The following MCM8 variants were observed in gnomAD, a reference collection of about 807,000 sequenced individuals.
The protein encoded by MCM8 is DNA helicase MCM8.
In MCM8, 85 loss-of-function variants were observed where a neutral mutation model predicts 98.9. The ratio of observed to expected loss-of-function variants is 0.86; its 90% confidence interval spans 0.72 to 1.03. The LOEUF is 1.03. Among genes scored for constraint, MCM8 ranks in the 50% least tolerant of loss-of-function variants. MCM8 has a pLI of 0.00. For missense variants in MCM8, 951 were observed against 997.8 expected (o/e 0.95, Z 0.63); for synonymous variants, 352 against 338.6 (o/e 1.04, Z -0.44).
In MCM8 at chr20:5,952,001, T is replaced by C; in HGVS notation, c.-5-10T>C. ...TTTTGGTGAAGACCTTTTTAATATC[T>C]ATCTTTTAGGAGAGATGAATGGAGA... is the stretch of plus-strand genomic sequence containing the variant. On this transcript the variant is annotated splice_polypyrimidine_tract_variant and intron_variant, in intron 1 of 18. Transcript: ENST00000610722. The C allele has an allele frequency of 6.2e-7, 1 of 1,600,004 alleles. No homozygotes were observed. Among genetic ancestry groups the C allele is most frequent in the Non-Finnish European group, 8.5e-7 (1 of 1,174,638 alleles).
chr20:5,954,815 T>C (rs988630189), intron 4 of MCM8, 125 bp downstream of exon 4: 4 of 620,456 alleles, frequency 6.4e-6, no homozygotes, highest in Admixed American at 3.0e-5. Flanking sequence ...GTTCTGCCAC[T>C]TACCTGCAGT....
chr20:5,953,435 AG>A (rs1424773424), intron 3 of MCM8, among the ~76,000 whole-genome samples: 4 of 109,056 alleles, frequency 3.7e-5, no homozygotes, highest in South Asian at 3.3e-4. Flanking sequence ...ATGTCTCATG[AG>A]GGGTGTGTGT....
chr20:5,990,064 A>G (rs1274253652), intron 17 of MCM8, among the ~76,000 whole-genome samples: 2 of 150,590 alleles, frequency 1.3e-5, no homozygotes, highest in African/African-American at 4.9e-5. Context: ...GGCATCACAC[A>G]GTGCTTTTTT....
At chr20:5,983,468 G>A (rs1312446505) in intron 14 of MCM8, among the ~76,000 whole-genome samples, 1 of 152,216 alleles carries the variant, frequency 6.6e-6, no homozygotes, top group African/African-American at 2.4e-5. Flanking sequence ...GGGAGGCTGA[G>A]GCAGGTGGAT....
At chr20:5,989,400 G>A (rs1004056279) in intron 17 of MCM8, among the ~76,000 whole-genome samples, 1 of 152,114 alleles carries the variant, frequency 6.6e-6, no homozygotes, top group East Asian at 1.9e-4. Context: ...ACAGGCATGA[G>A]CCACCACGCC....
chr20:5,963,877 A>T (rs907212948), intron 8 of MCM8, among the ~76,000 whole-genome samples: 1 of 152,206 alleles, frequency 6.6e-6, no homozygotes, highest in Non-Finnish European at 1.5e-5. Flanking sequence ...CAGATTCCAG[A>T]AAGGATTCAT....
chr20:5,951,157 T>G (rs1352910705), intron 1 of MCM8, 134 bp downstream of exon 1: 2 of 152,264 alleles, frequency 1.3e-5, no homozygotes, highest in African/African-American at 4.8e-5. Context: ...TCTCAGCATA[T>G]TGTCTCGTTT....
chr20:5,974,782 G>A (rs1489418557), intron 12 of MCM8, among the ~76,000 whole-genome samples: 2 of 152,146 alleles, frequency 1.3e-5, no homozygotes, highest in South Asian at 2.1e-4. Flanking sequence ...CTGTGGTTGA[G>A]TGTTAAACCA....
intron 7 of MCM8, among the ~76,000 whole-genome samples, chr20:5,962,940 G>C (rs916414417): frequency 6.6e-6 from 1 of 152,204 alleles, no homozygotes; most frequent in Non-Finnish European, 1.5e-5. Flanking sequence ...ATGTGGGACA[G>C]AATGAGAGGG....
In MCM8 at chr20:5,994,222, T is replaced by A. The variant is rs1342651167; in HGVS notation, c.2431-77T>A. On this transcript the variant is annotated intron_variant, in intron 18 of 18. Coordinates refer to ENST00000610722, the MANE Select transcript of MCM8 (RefSeq NM_032485.6). ...AAGAAACTTTACAGGTACATATTAT[T>A]ATTTGAGAGATTTATTTTAAAAGTA... 23 of 806,494 alleles carry A rather than the reference T, an allele frequency of 2.9e-5. 1 individual carries two copies. The highest frequency in any genetic ancestry group is 9.0e-5 in the Admixed American group (3 of 33,218). The allele number at this position is 806,494 out of a possible 1,614,324, so 50.0% of individuals were successfully genotyped here.
At chr20:5,973,962 A>G (rs977387160) in intron 12 of MCM8, among the ~76,000 whole-genome samples, 1 of 152,030 alleles carries the variant, frequency 6.6e-6, no homozygotes, top group African/African-American at 2.4e-5. Context: ...GTCCAAAGCA[A>G]GGCAACTGCT....
At position 5,994,307 on chromosome 20, in the gene MCM8, T is replaced by A. The variant is rs777617913; in HGVS notation, c.2439T>A (p.Asp813Glu). Reference protein sequence around the residue: ...IAKELNIQVADFENFIGSLND... With the variant: ...IAKELNIQVAEFENFIGSLND... ...TTGATGTTTTCTTCCAGGTTGCTGA[T>A]TTTGAAAATTTTATTGGATCACTAA... Residue 813 changes from aspartate to glutamate, a missense_variant, in exon 19 of 19, where the codon GAT (aspartate) becomes GAA (glutamate). Asp to Glu is a conservative substitution (Grantham distance 45). Coordinates refer to ENST00000610722, the MANE Select transcript of MCM8 (RefSeq NM_032485.6). 2 of 1,593,504 alleles carry A rather than the reference T, an allele frequency of 1.3e-6. No homozygotes were observed. Among genetic ancestry groups the A allele is most frequent in the South Asian group, 2.3e-5 (2 of 87,380 alleles).
intron 6 of MCM8, 35 bp from the exon 7 acceptor site, chr20:5,958,493 A>C (rs185748285): frequency 6.5e-7 from 1 of 1,545,992 alleles, no homozygotes; most frequent in African/African-American, 1.4e-5. Context: ...AAAAAACATC[A>C]ATTTTCTGTT....
At chr20:5,984,616 G>A (rs2089692398) in intron 14 of MCM8, among the ~76,000 whole-genome samples, 165 bp from the exon 15 acceptor site, 3 of 152,128 alleles carry the variant, frequency 2.0e-5, no homozygotes, top group South Asian at 4.1e-4. Flanking sequence ...ATGTTGCAGT[G>A]GTTGGATATA....
chr20:5,986,823 AT>A (rs1266250477), intron 16 of MCM8, among the ~76,000 whole-genome samples: 7 of 151,924 alleles, frequency 4.6e-5, no homozygotes, highest in African/African-American at 9.7e-5. Context: ...GGTTTCACAG[AT>A]TTTTTTTGTT....
intron 10 of MCM8, among the ~76,000 whole-genome samples, chr20:5,970,039 A>G (rs2089368986): frequency 6.6e-6 from 1 of 152,220 alleles, no homozygotes; most frequent in Non-Finnish European, 1.5e-5. Flanking sequence ...CATCAAAACT[A>G]GAATTTTTCA....
intron 11 of MCM8, chr20:5,972,684 A>G (rs1172055478): frequency 1.8e-6 from 2 of 1,134,846 alleles, no homozygotes; most frequent in Non-Finnish European, 2.4e-6. Flanking sequence ...CCTGCCGAGT[A>G]GCTGGGACTA....
intron 17 of MCM8, chr20:5,990,984 C>G (rs923792142): frequency 2.0e-5 from 3 of 152,190 alleles, no homozygotes; most frequent in Non-Finnish European, 2.9e-5. Flanking sequence ...CCTGGCTCTC[C>G]TGAATGTCAT....
chr20:5,958,912 C>T (rs1309867710), intron 7 of MCM8, among the ~76,000 whole-genome samples, 186 bp downstream of exon 7: 1 of 152,180 alleles, frequency 6.6e-6, no homozygotes, highest in African/African-American at 2.4e-5. Context: ...CATTCCACTA[C>T]TCATCACCCC....
Sources: allele counts gnomAD v4.1 joint callset (sites outside exome capture counted in the v4.1 genomes callset), GRCh38; gene constraint gnomAD v4.1.1; transcripts MANE v1.5; gene names NCBI Gene and HGNC (gene_info 2026-07-23, HGNC 2026-07-21).